The following CLVS1 variants were observed in gnomAD, a reference collection of about 807,000 sequenced individuals.
The protein encoded by CLVS1 is clavesin 1, also known as clavesin-1.
CLVS1 carries 10 observed loss-of-function variants against 33.1 expected under a neutral mutation model. The observed-to-expected ratio is 0.30, with a 90% CI of 0.19 to 0.51. The LOEUF is 0.51. CLVS1 is among the 20% of genes least tolerant of loss of function. CLVS1 has a pLI of 0.97. For missense variants in CLVS1, 343 were observed against 433.4 expected (o/e 0.79, Z 1.85); for synonymous variants, 163 against 166.1 (o/e 0.98, Z 0.14).
intron 1 of CLVS1, among the ~76,000 whole-genome samples, chr8:61,078,058 C>G (rs1346889673): frequency 6.6e-6 from 1 of 152,200 alleles, no homozygotes; most frequent in African/African-American, 2.4e-5. Context: ...GAGCGCTGAT[C>G]TGAAGTTTTA....
In CLVS1 at chr8:61,115,518, C is replaced by T. The variant is rs375421463; in HGVS notation, c.-242-16252C>T. Among the ~76,000 whole-genome samples, 27 of 151,818 alleles carry T rather than the reference C, an allele frequency of 1.8e-4. No homozygotes were observed. The East Asian group carries it at 4.8e-3, about 27-fold the overall frequency. On this transcript the variant is annotated intron_variant, in intron 1 of 2. Coordinates refer to the CLVS1 transcript ENST00000522621. ...ATTAGGTATATCTCCCCATGCTATC[C>T]CTCCCCACTCCCCCGACCCCACAAC...
intron 2 of CLVS1, among the ~76,000 whole-genome samples, chr8:61,137,377 G>A (rs897149334): frequency 2.6e-5 from 4 of 152,154 alleles, no homozygotes; most frequent in African/African-American, 9.7e-5. Context: ...GCTATCACTT[G>A]GTAGCTGTGT....
intron 2 of CLVS1, among the ~76,000 whole-genome samples, chr8:61,276,010 TC>T (rs1192640509): frequency 2.6e-5 from 4 of 152,222 alleles, no homozygotes. Context: ...TGCTACATCA[TC>T]TAAGCATTAA....
At chr8:60,977,415 A>G in the CLVS1 span, among the ~76,000 whole-genome samples, 3 of 152,262 alleles carry the variant, frequency 2.0e-5, no homozygotes, top group Admixed American at 2.0e-4. Context: ...ATGTGAAATC[A>G]GTTAAAGAAA....
At chr8:61,406,113 C>T (rs1376948612) in intron 3 of CLVS1, among the ~76,000 whole-genome samples, 1 of 152,086 alleles carries the variant, frequency 6.6e-6, no homozygotes, top group Non-Finnish European at 1.5e-5. Flanking sequence ...GCCAAACACT[C>T]TACAGCATTA....
chr8:61,229,075 G>A (rs1261788886), intron 2 of CLVS1, among the ~76,000 whole-genome samples: 1 of 152,014 alleles, frequency 6.6e-6, no homozygotes, highest in African/African-American at 2.4e-5. Flanking sequence ...CATCTTTTTT[G>A]ATGATTGATG....
At chr8:61,033,892 G>A in the CLVS1 span, among the ~76,000 whole-genome samples, 1 of 152,204 alleles carries the variant, frequency 6.6e-6, no homozygotes, top group Non-Finnish European at 1.5e-5. Context: ...ACTCTGGAAT[G>A]GACAATAACA....
At chr8:61,059,163 G>A (rs1038761130) in intron 1 of CLVS1, among the ~76,000 whole-genome samples, 1 of 151,902 alleles carries the variant, frequency 6.6e-6, no homozygotes, top group Non-Finnish European at 1.5e-5. Flanking sequence ...TCATACATTA[G>A]CAACATATGA....
In CLVS1 at chr8:61,169,465, G is replaced by T. The variant is rs573164662; in HGVS notation, c.-152+37605G>T. On this transcript the variant is annotated intron_variant, in intron 2 of 2. Transcript: ENST00000522621. ...AATAATCAACTGCCAGGAAAAAAAA[G>T]ATCAAAAGTCATTGTCTGTGCTCAG... 2.0e-5 allele frequency among the ~76,000 whole-genome samples: 3 copies of T among 152,208 alleles called. No homozygotes were observed. In the South Asian group the frequency reaches 6.2e-4, roughly 32 times the overall value.
the CLVS1 span, among the ~76,000 whole-genome samples, chr8:60,995,264 T>C: frequency 1.3e-5 from 2 of 152,126 alleles, no homozygotes; most frequent in Non-Finnish European, 2.9e-5. Context: ...CCTACTCATC[T>C]GACAAAGGGC....
At chr8:61,454,333 C>A in intron 4 of CLVS1, 82 bp downstream of exon 4, 1 of 978,726 alleles carries the variant, frequency 1.0e-6, no homozygotes, top group Non-Finnish European at 1.7e-6. Flanking sequence ...CTCTCCTTTC[C>A]CCCCTTTTTC....
intron 2 of CLVS1, among the ~76,000 whole-genome samples, chr8:61,357,610 A>T (rs1563514160): frequency 6.8e-6 from 1 of 146,546 alleles, no homozygotes; most frequent in Non-Finnish European, 1.5e-5. Flanking sequence ...GGTTCAAGAG[A>T]TTCTCATGCC....
chr8:61,474,201 CA>C (rs1817832679), intron 5 of CLVS1, among the ~76,000 whole-genome samples: 1 of 152,134 alleles, frequency 6.6e-6, no homozygotes, highest in Admixed American at 6.5e-5. Flanking sequence ...TGTGGTGTTG[CA>C]GAAGCCAAAG....
chr8:61,038,535 G>A, the CLVS1 span, among the ~76,000 whole-genome samples: 140 of 151,384 alleles, frequency 9.2e-4, no homozygotes, highest in South Asian at 2.3e-3. Context: ...TCCCAGAATG[G>A]AATAAGTCTT....
At chr8:61,349,828 A>G (rs781090873) in intron 2 of CLVS1, among the ~76,000 whole-genome samples, 19 of 152,064 alleles carry the variant, frequency 1.2e-4, no homozygotes, top group Non-Finnish European at 2.2e-4. Flanking sequence ...TTGGTAAAGG[A>G]TTGCCTCCTG....
At chr8:61,413,976 C>T (rs1372048606) in intron 3 of CLVS1, among the ~76,000 whole-genome samples, 1 of 152,340 alleles carries the variant, frequency 6.6e-6, no homozygotes, top group South Asian at 2.1e-4. Context: ...TTACAGGGAA[C>T]TGCATTTCTA....
intron 2 of CLVS1, among the ~76,000 whole-genome samples, chr8:61,200,904 T>G (rs1807716600): frequency 1.3e-5 from 2 of 152,214 alleles, no homozygotes; most frequent in Non-Finnish European, 2.9e-5. Context: ...CCTACTGAGG[T>G]TGAATTGTAA....
At chr8:61,491,989 G>C (rs1804104616) in intron 5 of CLVS1, among the ~76,000 whole-genome samples, 1 of 152,136 alleles carries the variant, frequency 6.6e-6, no homozygotes, top group Admixed American at 6.5e-5. Flanking sequence ...GTCAGTTTGA[G>C]AACTAAATGA....
At chr8:61,118,702 TG>T (rs1403145070) in intron 1 of CLVS1, among the ~76,000 whole-genome samples, 9 of 152,004 alleles carry the variant, frequency 5.9e-5, no homozygotes, top group Non-Finnish European at 1.3e-4. Flanking sequence ...TTCTTAATCC[TG>T]AGTTCTAGTT....
Sources: gnomAD v4.1 joint callset for allele counts (sites outside exome capture counted in the v4.1 genomes callset) on GRCh38, gnomAD v4.1.1 for gene constraint, MANE v1.5 for transcripts, NCBI Gene and HGNC (gene_info 2026-07-23, HGNC 2026-07-21) for gene names.